Variants in MLIP observed in about 807,000 individuals in gnomAD.
MLIP encodes the protein muscular LMNA-interacting protein.
A neutral mutation model predicts 84.8 loss-of-function variants in MLIP; 79 were observed. The ratio of observed to expected loss-of-function variants is 0.93; its 90% CI spans 0.78 to 1.12. The LOEUF (loss-of-function observed/expected upper bound fraction) is 1.12, where lower values mean the gene tolerates loss of function less well. Ranked by LOEUF, MLIP falls within the 50% of genes most tolerant of loss-of-function variation. MLIP has a pLI of 0.00. For missense variants in MLIP, 1,257 were observed against 1,160.6 expected, an observed-to-expected ratio of 1.08 and a Z score of -1.21; for synonymous variants, 504 against 463.0, an observed-to-expected ratio of 1.09 and a Z score of -1.14.
intron 3 of MLIP, among the ~76,000 whole-genome samples, chr6:54,132,775 A>G (rs970933807): frequency 5.3e-5 from 8 of 152,184 alleles, no homozygotes; most frequent in Admixed American, 2.6e-4. Flanking sequence ...CAGCCAGCCC[A>G]TATGTGAATT....
intron 3 of MLIP, among the ~76,000 whole-genome samples, chr6:54,125,410 G>T (rs751625386): frequency 2.6e-5 from 4 of 152,174 alleles, no homozygotes; most frequent in Non-Finnish European, 5.9e-5. Flanking sequence ...AAGCCACAAG[G>T]CTGGGGTTGA....
intron 13 of MLIP, among the ~76,000 whole-genome samples, chr6:54,262,594 T>TTTCC (rs1783458822): frequency 3.3e-5 from 5 of 152,056 alleles, no homozygotes; most frequent in Non-Finnish European, 7.4e-5. Context: ...GTTAGAGTCT[T>TTTCC]ATCCTCCCTG....
chr6:54,078,747 A>C (rs1307758950), intron 1 of MLIP, among the ~76,000 whole-genome samples: 2 of 137,144 alleles, frequency 1.5e-5, no homozygotes, highest in South Asian at 4.5e-4. Context: ...GCTGGAGTGC[A>C]GTGGCATGAT....
chr6:54,075,178 C>A lies in MLIP; in HGVS notation c.64-46269C>A, dbSNP rs544799566. On this transcript the variant is annotated intron_variant, in intron 1 of 12. Transcript: ENST00000274897. ...AGGAGAATCGCTTGAACCGGGGAGG[C>A]AGAGATTGTGGTGAGCCAAGATCAG... is the stretch of plus-strand genomic sequence containing the variant. Among the ~76,000 whole-genome samples, 33 of 137,928 alleles carry A rather than the reference C, an allele frequency of 2.4e-4. No individual in the cohort carries two copies. The South Asian group carries it at 7.0e-3, about 29-fold the overall frequency. The allele number at this position is 137,928 out of a possible 152,430, so 90.5% of individuals were successfully genotyped here.
intron 12 of MLIP, among the ~76,000 whole-genome samples, chr6:54,234,528 T>G (rs148775133): frequency 6.6e-6 from 1 of 152,262 alleles, no homozygotes; most frequent in African/African-American, 2.4e-5. Context: ...TTGATCCTTT[T>G]CCTTGATGAT....
At position 54,214,648 on chromosome 6, in the gene MLIP, C is replaced by T. The variant is rs1779722241; in HGVS notation, c.2718+12415C>T. Among the ~76,000 whole-genome samples, 4 of 152,226 alleles carry T rather than the reference C, an allele frequency of 2.6e-5. No individual in the cohort carries two copies. The South Asian group carries it at 8.3e-4, about 31-fold the overall frequency. ...AGTTTTTTCTCTGTCAAAGTATTAA[C>T]TCTGCCATGAGTTTCCAAAATCTAT... On this transcript the variant is annotated intron_variant, in intron 11 of 13. Transcript: ENST00000502396.
intron 4 of MLIP, among the ~76,000 whole-genome samples, chr6:54,143,879 C>T (rs1330261519): frequency 3.9e-5 from 6 of 152,004 alleles, no homozygotes; most frequent in Non-Finnish European, 7.4e-5. Flanking sequence ...TAAAATCTCT[C>T]CTCTAAAAGA....
At chr6:54,149,844 T>C (rs1198057680) in intron 5 of MLIP, among the ~76,000 whole-genome samples, 1 of 152,180 alleles carries the variant, frequency 6.6e-6, no homozygotes, top group East Asian at 1.9e-4. Flanking sequence ...GTTTAATAAA[T>C]ATGTTACGCA....
Position 54,266,016 on chromosome 6 carries a change from A to G in MLIP, c.*61A>G. ...GTTTTTTGGAATGCTGGTGCTAACC[A>G]CTTGCTAGATTTAACTTTTTTTTTT... On this transcript the variant is annotated 3_prime_UTR_variant, in exon 14 of 14. Coordinates refer to ENST00000502396, the MANE Select transcript of MLIP (RefSeq NM_001281747.2). The G allele has an allele frequency of 6.4e-7, 1 of 1,559,310 alleles. No individual in the cohort carries two copies. The highest frequency in any genetic ancestry group is 8.7e-7 in the Non-Finnish European group (1 of 1,147,358).
chr6:54,258,623 G>T (rs552017037), intron 13 of MLIP, among the ~76,000 whole-genome samples: 96 of 152,078 alleles, frequency 6.3e-4, no homozygotes, highest in Non-Finnish European at 1.1e-3. Flanking sequence ...CTGTCTCCAT[G>T]CAGTCTTGGC....
chr6:54,019,255 G>A (rs1397669240), intron 1 of MLIP, among the ~76,000 whole-genome samples: 1 of 152,042 alleles, frequency 6.6e-6, no homozygotes, highest in African/African-American at 2.4e-5. Context: ...TGAAAATAAT[G>A]TAATAAAGTT....
At chr6:54,022,303 A>G (rs1203196745) in intron 1 of MLIP, among the ~76,000 whole-genome samples, 1 of 152,204 alleles carries the variant, frequency 6.6e-6, no homozygotes, top group African/African-American at 2.4e-5. Context: ...TGTTTCCTAA[A>G]CTCGCCTATC....
At chr6:54,212,347 T>A (rs940262305) in intron 11 of MLIP, among the ~76,000 whole-genome samples, 1 of 152,188 alleles carries the variant, frequency 6.6e-6, no homozygotes, top group Non-Finnish European at 1.5e-5. Context: ...ATCCTGAAAT[T>A]CTGTGTTTAT....
At chr6:54,110,456 G>T (rs1342128993), upstream of MLIP, among the ~76,000 whole-genome samples, 1 of 151,848 alleles carries the variant, frequency 6.6e-6, no homozygotes, top group Non-Finnish European at 1.5e-5. Context: ...TTTATAACAC[G>T]GCACTTATAT....
intron 1 of MLIP, among the ~76,000 whole-genome samples, chr6:54,026,219 T>C (rs1428474853): frequency 1.3e-5 from 2 of 152,196 alleles, no homozygotes; most frequent in Admixed American, 6.5e-5. Flanking sequence ...GGTTGATCTC[T>C]CTGCATCAGA....
chr6:54,076,357 C>T (rs1189631713), intron 1 of MLIP, among the ~76,000 whole-genome samples: 1 of 152,144 alleles, frequency 6.6e-6, no homozygotes, highest in Non-Finnish European at 1.5e-5. Context: ...CATGTAGACC[C>T]AATTCAAACC....
chr6:54,032,727 T>C (rs1418727701), intron 1 of MLIP, among the ~76,000 whole-genome samples: 5 of 152,120 alleles, frequency 3.3e-5, no homozygotes, highest in African/African-American at 1.2e-4. Flanking sequence ...CCAATTTTTG[T>C]ATTTTTAGTA....
At chr6:54,064,194 G>T (rs1199315749) in intron 1 of MLIP, among the ~76,000 whole-genome samples, 2 of 99,758 alleles carry the variant, frequency 2.0e-5, no homozygotes, top group African/African-American at 5.1e-5. Context: ...TCAATCCCCA[G>T]TGTCAAGAGT....
chr6:54,232,283 G>A (rs551715177), intron 12 of MLIP, among the ~76,000 whole-genome samples: 17 of 152,128 alleles, frequency 1.1e-4, no homozygotes, highest in Admixed American at 1.3e-4. Flanking sequence ...ACAGATATCC[G>A]TTACATGATA....
Sources: gnomAD v4.1 joint callset for allele counts (sites outside exome capture counted in the v4.1 genomes callset) on GRCh38, gnomAD v4.1.1 for gene constraint, MANE v1.5 for transcripts, NCBI Gene and HGNC (gene_info 2026-07-23, HGNC 2026-07-21) for gene names.